The following WDR72 variants were observed in gnomAD, a reference collection of about 807,000 sequenced individuals.
The protein encoded by WDR72 is WD repeat domain 72.
A neutral mutation model predicts 124.2 loss-of-function variants in WDR72; 120 were observed. That is an observed-to-expected ratio of 0.97 (90% confidence interval 0.83 to 1.12). WDR72 has a LOEUF of 1.12. WDR72 is among the 50% of genes most tolerant of loss of function. WDR72 has a pLI of 0.00. For synonymous variants in WDR72, 452 were observed against 441.7 expected (o/e 1.02, Z -0.29); for missense variants, 1,387 against 1,278.8 (o/e 1.08, Z -1.29).
intron 1 of WDR72, among the ~76,000 whole-genome samples, chr15:53,743,743 G>A (rs982187292): frequency 1.1e-4 from 17 of 152,222 alleles, no homozygotes; most frequent in Non-Finnish European, 8.8e-5. Context: ...TTGGGAGGCC[G>A]AGATGGGTGG....
At chr15:53,591,309 G>T (rs964143222) in intron 18 of WDR72, among the ~76,000 whole-genome samples, 1 of 151,994 alleles carries the variant, frequency 6.6e-6, no homozygotes, top group Non-Finnish European at 1.5e-5. Flanking sequence ...CTTAGCTCTT[G>T]AGTCAGTGCA....
chr15:53,757,824 AG>A (rs1332477661), intron 1 of WDR72, among the ~76,000 whole-genome samples: 2 of 152,292 alleles, frequency 1.3e-5, no homozygotes, highest in East Asian at 3.9e-4. Flanking sequence ...ATTATTTTCA[AG>A]GTTCCTTTAA....
chr15:53,735,239 T>C (rs1363954049), intron 1 of WDR72, among the ~76,000 whole-genome samples: 2 of 151,902 alleles, frequency 1.3e-5, no homozygotes, highest in African/African-American at 4.8e-5. Flanking sequence ...TGCAGTGAGC[T>C]GAGATTGTGC....
chr15:53,585,029 C>A (rs545833431), intron 18 of WDR72, among the ~76,000 whole-genome samples: 1 of 152,098 alleles, frequency 6.6e-6, no homozygotes, highest in African/African-American at 2.4e-5. Flanking sequence ...CCCTAAAAAT[C>A]ATTTACTCTT....
At chr15:53,578,738 A>AAAACAAAC (rs145536735) in intron 18 of WDR72, among the ~76,000 whole-genome samples, 148 of 151,958 alleles carry the variant, frequency 9.7e-4, no homozygotes, top group African/African-American at 3.4e-3. Flanking sequence ...AATAAAACTT[A>AAAACAAAC]AAACAAACAA....
intron 1 of WDR72, among the ~76,000 whole-genome samples, chr15:53,754,420 T>C (rs981627344): frequency 2.6e-5 from 4 of 151,898 alleles, no homozygotes; most frequent in African/African-American, 4.8e-5. Flanking sequence ...AACCAGGCAA[T>C]ATGTGGCACT....
intron 17 of WDR72, among the ~76,000 whole-genome samples, chr15:53,608,290 T>C (rs186960830): frequency 1.2e-4 from 18 of 152,126 alleles, no homozygotes; most frequent in Admixed American, 3.3e-4. Context: ...AACAGATAAA[T>C]GGATAAAGAA....
chr15:53,572,067 G>A (rs576604439), intron 18 of WDR72, among the ~76,000 whole-genome samples: 1 of 151,962 alleles, frequency 6.6e-6, no homozygotes, highest in South Asian at 2.1e-4. Flanking sequence ...TGGATTATTT[G>A]TTCTCTTGTT....
At chr15:53,760,843 G>T (rs544282528), upstream of WDR72, among the ~76,000 whole-genome samples, 1 of 152,180 alleles carries the variant, frequency 6.6e-6, no homozygotes, top group African/African-American at 2.4e-5. Context: ...TGGGCAAAAG[G>T]CCAGACACAA....
At chr15:53,528,762 A>C (rs1252248106) in intron 18 of WDR72, among the ~76,000 whole-genome samples, 1 of 152,030 alleles carries the variant, frequency 6.6e-6, no homozygotes, top group Non-Finnish European at 1.5e-5. Context: ...AAGTATGGCT[A>C]GACCCCCAGC....
intron 18 of WDR72, among the ~76,000 whole-genome samples, chr15:53,542,839 C>T (rs558523203): frequency 0.056 from 4,370 of 78,412 alleles, 225 homozygotes; most frequent in Non-Finnish European, 0.078. Flanking sequence ...GCAGGGGTTG[C>T]AATCCTAGTC....
At chr15:53,572,431 TATG>T (rs1212448391) in intron 18 of WDR72, among the ~76,000 whole-genome samples, 4 of 151,948 alleles carry the variant, frequency 2.6e-5, no homozygotes, top group Admixed American at 6.6e-5. Context: ...TTGCCCTACC[TATG>T]ATATTTTCCC....
At chr15:53,571,772 T>TCA in intron 18 of WDR72, among the ~76,000 whole-genome samples, 1 of 5,596 alleles carries the variant, frequency 1.8e-4, no homozygotes, top group South Asian at 7.2e-3. Context: ...TATTTTTCAT[T>TCA]TTTTTTTTTT....
chr15:53,626,784 T>C (rs1374273746), intron 14 of WDR72, among the ~76,000 whole-genome samples: 1 of 152,136 alleles, frequency 6.6e-6, no homozygotes, highest in Admixed American at 6.5e-5. Context: ...TGTTTAAAGG[T>C]GGAAGTGGTC....
At chr15:53,567,327 A>C (rs1894337709) in intron 18 of WDR72, among the ~76,000 whole-genome samples, 2 of 152,062 alleles carry the variant, frequency 1.3e-5, no homozygotes, top group South Asian at 4.1e-4. Context: ...TTCATACAAT[A>C]GATTTGAGGG....
chr15:53,659,711 A>G (rs1187020845), intron 14 of WDR72, among the ~76,000 whole-genome samples: 1 of 152,162 alleles, frequency 6.6e-6, no homozygotes, highest in Non-Finnish European at 1.5e-5. Flanking sequence ...ATAAAAAAAA[A>G]AAAGGATTAG....
At chr15:53,651,671 G>T (rs1016261350) in intron 14 of WDR72, among the ~76,000 whole-genome samples, 2 of 152,084 alleles carry the variant, frequency 1.3e-5, no homozygotes, top group Non-Finnish European at 2.9e-5. Context: ...TGTTTGTTTT[G>T]AGACAGAATC....
At chr15:53,656,444 G>A (rs2015424222) in intron 14 of WDR72, among the ~76,000 whole-genome samples, 1 of 151,984 alleles carries the variant, frequency 6.6e-6, no homozygotes, top group Admixed American at 6.6e-5. Flanking sequence ...TAATAGTATG[G>A]GGAAATATTC....
At chr15:53,722,739 C>T in intron 3 of WDR72, 63 bp downstream of exon 3, 1 of 1,420,970 alleles carries the variant, frequency 7.0e-7, no homozygotes, top group Non-Finnish European at 1.0e-6. Flanking sequence ...AATTGTATTC[C>T]ATTGTAGTTT....
Sources: gnomAD v4.1 joint callset for allele counts (sites outside exome capture counted in the v4.1 genomes callset) on GRCh38, gnomAD v4.1.1 for gene constraint, MANE v1.5 for transcripts, NCBI Gene and HGNC (gene_info 2026-07-23, HGNC 2026-07-21) for gene names.